Variants in ATP8B1 observed in about 807,000 individuals in gnomAD.
ATP8B1 encodes phospholipid-transporting ATPase IC.
ATP8B1 carries 80 observed loss-of-function variants against 149.9 expected under a neutral mutation model. That is an observed-to-expected ratio of 0.53 (90% CI 0.45 to 0.64). The LOEUF is 0.64. Among genes scored for constraint, ATP8B1 ranks in the 30% least tolerant of loss-of-function variants. ATP8B1 has a pLI of 0.00. For missense variants in ATP8B1, 1,247 were observed against 1,552.6 expected, an observed-to-expected ratio of 0.80 and a Z score of 3.31; for synonymous variants, 536 against 562.8, an observed-to-expected ratio of 0.95 and a Z score of 0.67.
At chr18:57,783,700 G>A (rs2080378776) in intron 1 of ATP8B1, among the ~76,000 whole-genome samples, 1 of 152,138 alleles carries the variant, frequency 6.6e-6, no homozygotes, top group Admixed American at 6.5e-5. Context: ...GCCAGGCATG[G>A]TGGCACGCGC....
Position 57,792,303 on chromosome 18 carries a change from A to AT in ATP8B1, c.-26+10694dup, listed in dbSNP as rs33945392. ...ATACAATAAGGATGAAATTTTATTA[A>AT]TTTTTTTTTTTTACAATTAAAAAGA... On this transcript the variant is annotated intron_variant, in intron 1 of 27. Transcript: ENST00000648908. Among the ~76,000 whole-genome samples the AT allele has an allele frequency of 8.8e-4, 130 of 147,992 alleles. 1 individual carries two copies. Among genetic ancestry groups the AT allele is most frequent in the Non-Finnish European group, 1.1e-3 (74 of 66,524 alleles).
chr18:57,656,263 A>G (rs1909987236), intron 22 of ATP8B1, among the ~76,000 whole-genome samples: 1 of 152,118 alleles, frequency 6.6e-6, no homozygotes, highest in South Asian at 2.1e-4. Context: ...ACCCTGACTG[A>G]CAGAAAACCC....
At chr18:57,697,485 T>C (rs1912875224) in intron 8 of ATP8B1, 133 bp downstream of exon 8, 1 of 919,022 alleles carries the variant, frequency 1.1e-6, no homozygotes, top group African/African-American at 1.6e-5. Context: ...AAAGGTGAGA[T>C]CAGTAGGGAC....
chr18:57,654,695 CT>C (rs35541979), intron 23 of ATP8B1, among the ~76,000 whole-genome samples: 59,723 of 131,188 alleles, frequency 0.46, 12,542 homozygotes, highest in East Asian at 0.48. Flanking sequence ...AAATCCCCTC[CT>C]TTTTTTTTTT....
chr18:57,775,833 G>A (rs915094573), intron 1 of ATP8B1, among the ~76,000 whole-genome samples: 3 of 151,972 alleles, frequency 2.0e-5, no homozygotes, highest in East Asian at 1.9e-4. Flanking sequence ...TAGTAGAGAC[G>A]GCGTTTCTCC....
chr18:57,684,291 A>C, intron 14 of ATP8B1, 99 bp from the exon 15 acceptor site: 1 of 1,277,430 alleles, frequency 7.8e-7, no homozygotes, highest in Admixed American at 2.0e-5. Context: ...TCAATTATGC[A>C]AAAACCACCT....
intron 1 of ATP8B1, among the ~76,000 whole-genome samples, chr18:57,782,931 A>G (rs1443855537): frequency 3.4e-5 from 5 of 146,058 alleles, no homozygotes; most frequent in East Asian, 2.1e-4. Context: ...TCGTGGCTCA[A>G]CCTCCCGAGT....
At chr18:57,669,287 C>G (rs1911083190) in intron 18 of ATP8B1, 31 bp downstream of exon 18, 1 of 1,568,312 alleles carries the variant, frequency 6.4e-7, no homozygotes, top group Admixed American at 2.0e-5. Context: ...CTTAGAATAT[C>G]AAAGAAAAAG....
chr18:57,736,099 T>C (rs1301886055), intron 1 of ATP8B1, among the ~76,000 whole-genome samples: 2 of 152,090 alleles, frequency 1.3e-5, no homozygotes, highest in Non-Finnish European at 1.5e-5. Context: ...CTGTGTTAGT[T>C]TGCTGAGAAA....
chr18:57,795,204 G>A (rs536275057), intron 1 of ATP8B1, among the ~76,000 whole-genome samples: 2 of 152,008 alleles, frequency 1.3e-5, no homozygotes, highest in African/African-American at 2.4e-5. Context: ...CAGCCTGGGC[G>A]ACATATCGAG....
intron 27 of ATP8B1, among the ~76,000 whole-genome samples, 153 bp from the exon 28 acceptor site, chr18:57,648,865 T>TG (rs1909387485): frequency 8.7e-6 from 1 of 114,938 alleles, no homozygotes; most frequent in Non-Finnish European, 1.7e-5. Flanking sequence ...TGTGTGTGTG[T>TG]GTGTGTGTGT....
At chr18:57,649,142 G>A (rs1414495371) in intron 27 of ATP8B1, among the ~76,000 whole-genome samples, 1 of 147,060 alleles carries the variant, frequency 6.8e-6, no homozygotes, top group East Asian at 2.0e-4. Flanking sequence ...TGCCTGCCTC[G>A]GCCTCCAAAA....
intron 1 of ATP8B1, among the ~76,000 whole-genome samples, chr18:57,790,040 A>G (rs1170705153): frequency 6.6e-6 from 1 of 152,180 alleles, no homozygotes; most frequent in Non-Finnish European, 1.5e-5. Context: ...TTCATCTTCT[A>G]AAACTACTCC....
At chr18:57,663,771 T>C in intron 20 of ATP8B1, among the ~76,000 whole-genome samples, 1 of 147,242 alleles carries the variant, frequency 6.8e-6, no homozygotes, top group East Asian at 2.0e-4. Flanking sequence ...ATTTTTTTTT[T>C]TTTTTTTTTT....
intron 1 of ATP8B1, among the ~76,000 whole-genome samples, chr18:57,756,192 C>CATATATATATATATATATATATATAT (rs147263393): frequency 4.8e-4 from 41 of 84,708 alleles, no homozygotes; most frequent in African/African-American, 1.3e-3. Context: ...ATTTCCACAA[C>CATATATATATATATATATATATATAT]ATATATATAT....
intron 1 of ATP8B1, among the ~76,000 whole-genome samples, chr18:57,756,244 C>T (rs12606286): frequency 0.2 from 12,068 of 59,084 alleles, 1,020 homozygotes; most frequent in African/African-American, 0.29. Context: ...CACATATATA[C>T]ACACACACAT....
chr18:57,648,641 G>A lies in ATP8B1; in HGVS notation c.3603C>T (p.Gly1201=), dbSNP rs1004052024. ...CGTAGGCCGAGCGCCGCGTTGACAC[G>A]CCCCGGCGGAACACCTGCTGCCGTC... ...WQRRQQVFRR[G]VSTRRSAYAF... The change falls in exon 28 of 28, where the codon GGC becomes GGT. Residue 1201 remains glycine, a synonymous_variant. Transcript: ENST00000648908. The A allele has an allele frequency of 1.9e-6, 3 of 1,595,776 alleles. No homozygotes were observed. The highest frequency in any genetic ancestry group is 2.6e-6 in the Non-Finnish European group (3 of 1,172,572).
At position 57,648,685 on chromosome 18, in the gene ATP8B1, C is replaced by T; in HGVS notation, c.3559G>A (p.Ala1187Thr). ...KIQKHRKRLK[A>T]EEQWQRRQQV... ...TGCCGTCGCTGCCACTGCTCCTCCG[C>T]CTTCAACCGCTTGCGATGCTTCTGG... Residue 1187 changes from alanine to threonine, a missense_variant, in exon 28 of 28, where the codon GCG becomes ACG. Around this residue, in one of 3 missense-constraint regions of ATP8B1, gnomAD observed 164 missense variants for 160.3 expected, o/e 1.02. Coordinates refer to ENST00000648908, the MANE Select transcript of ATP8B1 (RefSeq NM_001374385.1). 1 of 1,562,118 alleles carries T rather than the reference C, an allele frequency of 6.4e-7. No individual in the cohort carries two copies. The highest frequency in any genetic ancestry group is 8.7e-7 in the Non-Finnish European group (1 of 1,153,996).
At chr18:57,669,132 A>G in intron 18 of ATP8B1, 186 bp downstream of exon 18, 1 of 505,596 alleles carries the variant, frequency 2.0e-6, no homozygotes, top group Non-Finnish European at 3.3e-6. Context: ...GGTTTCTCAT[A>G]ATGGCAACTT....
Sources: allele counts gnomAD v4.1 joint callset (sites outside exome capture counted in the v4.1 genomes callset), GRCh38; gene constraint gnomAD v4.1.1; regional missense constraint gnomAD v4.1.1; transcripts MANE v1.5; gene names NCBI Gene and HGNC (gene_info 2026-07-23, HGNC 2026-07-21).